The following LONRF1 variants were observed in gnomAD, a reference collection of about 807,000 sequenced individuals.
LONRF1 encodes the protein LON peptidase N-terminal domain and ring finger 1.
LONRF1 carries 37 observed loss-of-function variants against 85.8 expected under a neutral mutation model. The ratio of observed to expected loss-of-function variants is 0.43; its 90% CI spans 0.33 to 0.57. LONRF1 has a LOEUF of 0.57. Ranked by LOEUF, LONRF1 falls within the 20% of genes least tolerant of loss-of-function variation. The probability of loss-of-function intolerance (pLI) is 0.04; values close to 1 mark genes in which losing one functional copy is unlikely to be tolerated. For missense variants in LONRF1, 1,036 were observed against 978.0 expected, an observed-to-expected ratio of 1.06 and a Z score of -0.79; for synonymous variants, 517 against 390.1, an observed-to-expected ratio of 1.33 and a Z score of -3.83.
At chr8:12,741,605 A>C (rs1266501709) in intron 2 of LONRF1, among the ~76,000 whole-genome samples, 1 of 152,162 alleles carries the variant, frequency 6.6e-6, no homozygotes, top group East Asian at 1.9e-4. Flanking sequence ...AATATTATTG[A>C]TTTAATTTGA....
chr8:12,735,682 G>C, intron 6 of LONRF1: 1 of 292,996 alleles, frequency 3.4e-6, no homozygotes, highest in East Asian at 6.1e-5. Flanking sequence ...CTAATCACTT[G>C]AAATGTGGCT....
intron 1 of LONRF1, chr8:12,753,715 G>C (rs1368844589): frequency 6.6e-6 from 1 of 152,192 alleles, no homozygotes; most frequent in Non-Finnish European, 1.5e-5. Context: ...AGAGAAGCTT[G>C]AAACTGCCCC....
chr8:12,748,666 C>T (rs1799260453), intron 1 of LONRF1, among the ~76,000 whole-genome samples: 2 of 152,130 alleles, frequency 1.3e-5, no homozygotes, highest in Admixed American at 1.3e-4. Context: ...TAAGTTTGAC[C>T]TTTAAAACTT....
chr8:12,743,096 G>T, intron 2 of LONRF1, 68 bp downstream of exon 2: 1 of 979,504 alleles, frequency 1.0e-6, no homozygotes, highest in African/African-American at 1.6e-5. Flanking sequence ...ATTCCTAACT[G>T]TGAATGAATG....
Position 12,740,901 on chromosome 8 carries a change from A to T in LONRF1, c.936T>A (p.Phe312Leu). Residue 312 changes from phenylalanine (F) to leucine (L), a missense_variant, in exon 3 of 12, where the codon TTT becomes TTA. Phe to Leu is a conservative substitution (Grantham distance 22). Around this residue, in one of 3 missense-constraint regions of LONRF1, gnomAD observed 742 missense variants for 614.4 expected, o/e 1.21. Transcript: ENST00000398246. Reference protein sequence around the residue: ...FLQCLALDEDFAPAKLQVQKI... With the variant: ...FLQCLALDEDLAPAKLQVQKI... ...TTTGTACTTGCAGCTTTGCAGGTGC[A>T]AAATCTTCATCAAGGGCTAAGCACT... The T allele has an allele frequency of 6.2e-7, 1 of 1,613,434 alleles. No homozygotes were observed. Among genetic ancestry groups the T allele is most frequent in the Non-Finnish European group, 8.5e-7 (1 of 1,179,578 alleles).
chr8:12,743,217 C>G lies in LONRF1; in HGVS notation c.787G>C (p.Ala263Pro). 6.2e-7 allele frequency: 1 copy of G among 1,613,300 alleles called. No homozygotes were observed. Residue 263 changes from alanine to proline, a missense_variant, in exon 2 of 12, where the codon GCA becomes CCA. This residue lies in a region of LONRF1 where 742 missense variants were observed against 614.4 expected (regional missense o/e 1.21). Transcript: ENST00000398246. Reference sequence around the variant, plus strand: ...ACTGCATTTAAATCTTCTATGGCTGCTTTAAACTCTTGGAGACCAGCATAT... The same window carrying G: ...ACTGCATTTAAATCTTCTATGGCTGGTTTAAACTCTTGGAGACCAGCATAT... ...ESYAGLQEFKAAIEDLNAVLF... is the reference protein window; with the variant it reads ...ESYAGLQEFKPAIEDLNAVLF...
Position 12,725,773 on chromosome 8 carries a change from A to G in LONRF1, c.2117T>C (p.Ile706Thr). 1.2e-6 allele frequency: 2 copies of G among 1,613,758 alleles called. No homozygotes were observed. The highest frequency in any genetic ancestry group is 1.7e-6 in the Non-Finnish European group (2 of 1,179,690). The change falls in exon 11 of 12, where the codon ATT (isoleucine) becomes ACT (threonine). Residue 706 changes from isoleucine to threonine, a missense_variant. By Grantham distance (89) the Ile-to-Thr change is moderately conservative. Coordinates refer to ENST00000398246, the MANE Select transcript of LONRF1 (RefSeq NM_152271.5). ...GGGCATTGATCCGAAATGCTGAAGA[A>G]TTTGGCTTCGAAATCTGTCTCTTAA... ...QNLRDRFRSQILQHFGSMPER... is the reference protein window; with the variant it reads ...QNLRDRFRSQTLQHFGSMPER...
intron 10 of LONRF1, among the ~76,000 whole-genome samples, chr8:12,727,538 A>G (rs928428043): frequency 1.6e-4 from 24 of 152,084 alleles, no homozygotes; most frequent in African/African-American, 3.6e-4. Flanking sequence ...TATAAATATC[A>G]TATCTGTAAT....
intron 3 of LONRF1, 59 bp from the exon 4 acceptor site, chr8:12,738,203 T>G (rs1798796102): frequency 8.6e-7 from 1 of 1,160,788 alleles, no homozygotes; most frequent in Non-Finnish European, 1.2e-6. Flanking sequence ...AGGATAATTT[T>G]GTATAAATTT....
Position 12,754,765 on chromosome 8 carries a change from C to T in LONRF1, c.656G>A (p.Gly219Glu). 1 of 1,470,730 alleles carries T rather than the reference C, an allele frequency of 6.8e-7. No individual in the cohort carries two copies. The highest frequency in any genetic ancestry group is 8.9e-7 in the Non-Finnish European group (1 of 1,119,534). 91.1% of individuals were successfully genotyped at this position (1,470,730 alleles called of 1,614,324 possible). The change falls in exon 1 of 12, where the codon GGG (glycine) becomes GAG (glutamate). Residue 219 changes from glycine to glutamate, a missense_variant. Coordinates refer to ENST00000398246, the MANE Select transcript of LONRF1 (RefSeq NM_152271.5). ...RERARAAGRL[G>E]ELLHQGRYRE... ...GTAGCGCCCCTGGTGCAGTAGCTCC[C>T]CGAGCCTGCCGGCCGCCCGGGCCCG...
At chr8:12,734,798 T>C (rs1385653796) in intron 7 of LONRF1, among the ~76,000 whole-genome samples, 2 of 152,186 alleles carry the variant, frequency 1.3e-5, no homozygotes, top group Admixed American at 6.5e-5. Context: ...ACTAACCATA[T>C]TTAAAAGCTT....
At chr8:12,725,908 T>G (rs905314356) in intron 10 of LONRF1, 29 bp from the exon 11 acceptor site, 13 of 1,591,910 alleles carry the variant, frequency 8.2e-6, no homozygotes, top group African/African-American at 1.3e-5. Flanking sequence ...GTAAGACTTC[T>G]GTGTCTAATC....
At chr8:12,733,828 G>A (rs1218669235) in intron 7 of LONRF1, among the ~76,000 whole-genome samples, 2 of 152,122 alleles carry the variant, frequency 1.3e-5, no homozygotes. Flanking sequence ...AAACTGAACA[G>A]CATACCAATC....
rs1799586886 is a variant in LONRF1 at position 12,755,101 on chromosome 8, G to A, written c.320C>T (p.Ala107Val). Residue 107 changes from alanine to valine, a missense_variant, in exon 1 of 12, where the codon GCG (alanine) becomes GTG (valine). By Grantham distance (64) the Ala-to-Val change is moderately conservative (BLOSUM62 0). Coordinates refer to ENST00000398246, the MANE Select transcript of LONRF1 (RefSeq NM_152271.5). ...YRLRHGLGWS[A>V]APVAGADGGA... ...GCCGTCAGCGCCTGCAACCGGGGCC[G>A]CGCTCCAGCCCAGCCCGTGGCGGAG... 2.0e-6 allele frequency: 3 copies of A among 1,470,430 alleles called. No homozygotes were observed. The highest frequency in any genetic ancestry group is 2.7e-6 in the Non-Finnish European group (3 of 1,116,190). 91.1% of individuals were successfully genotyped at this position (1,470,430 alleles called of 1,614,324 possible).
In LONRF1 at chr8:12,736,951, G is replaced by T; in HGVS notation, c.1303C>A (p.Gln435Lys). 3 of 1,613,272 alleles carry T rather than the reference G, an allele frequency of 1.9e-6. No individual in the cohort carries two copies. Among genetic ancestry groups the T allele is most frequent in the Non-Finnish European group, 2.5e-6 (3 of 1,179,596 alleles). The change falls in exon 5 of 12, where the codon CAG (glutamine) becomes AAG (lysine). Residue 435 changes from glutamine (Q) to lysine (K), a missense_variant. By Grantham distance (53) the Gln-to-Lys change is moderately conservative. Coordinates refer to ENST00000398246, the MANE Select transcript of LONRF1 (RefSeq NM_152271.5). ...LLKRKLSLLEQDVIVNEDGRN... is the reference protein window; with the variant it reads ...LLKRKLSLLEKDVIVNEDGRN... ...CCATCTTCATTTACAATCACATCCT[G>T]TTCTAAAAGAGACAACTTTCTTTTC...
intron 1 of LONRF1, among the ~76,000 whole-genome samples, chr8:12,749,195 C>T (rs1332931445): frequency 6.6e-6 from 1 of 152,112 alleles, no homozygotes; most frequent in Non-Finnish European, 1.5e-5. Context: ...TAGATTAACC[C>T]TTGATACAAG....
In LONRF1 at chr8:12,755,452, C is replaced by T. The variant is rs1456412175; in HGVS notation, c.-32G>A. 1.9e-5 allele frequency: 21 copies of T among 1,095,252 alleles called. No homozygotes were observed. Among genetic ancestry groups the T allele is most frequent in the South Asian group, 4.3e-5 (1 of 23,076 alleles). 67.8% of individuals were successfully genotyped at this position (1,095,252 alleles called of 1,614,324 possible). The stretch of plus-strand genomic sequence containing the variant: ...CGGAGGGCTGCGCCGCCGCCGCCCG[C>T]CGCCACGGTCCCGGAGCCTCCCGGG... On this transcript the variant is annotated 5_prime_UTR_variant, in exon 1 of 12. Transcript: ENST00000398246.
Position 12,755,084 on chromosome 8 carries a change from C to T in LONRF1, c.337G>A (p.Ala113Thr). 1.4e-6 allele frequency: 2 copies of T among 1,471,292 alleles called. No individual in the cohort carries two copies. The highest frequency in any genetic ancestry group is 3.0e-5 in the East Asian group (1 of 33,610). The allele number at this position is 1,471,292 out of a possible 1,614,324, so 91.1% of individuals were successfully genotyped here. Residue 113 changes from alanine to threonine, a missense_variant, in exon 1 of 12, where the codon GCT (alanine) becomes ACT (threonine). Ala to Thr is a moderately conservative substitution (Grantham distance 58, BLOSUM62 0). This residue lies in a region of LONRF1 where 742 missense variants were observed against 614.4 expected (regional missense o/e 1.21). Transcript: ENST00000398246. ...AGGAGCCCGCCGGCGCCGCCGTCAG[C>T]GCCTGCAACCGGGGCCGCGCTCCAG... ...LGWSAAPVAGADGGAGGLLRC... is the reference protein window; with the variant it reads ...LGWSAAPVAGTDGGAGGLLRC...
chr8:12,754,889 G>A lies in LONRF1; in HGVS notation c.532C>T (p.Arg178Trp), dbSNP rs1184851913. The A allele has an allele frequency of 1.3e-6, 2 of 1,493,120 alleles. No individual in the cohort carries two copies. The highest frequency in any genetic ancestry group is 1.5e-5 in the African/African-American group (1 of 68,538). The allele number at this position is 1,493,120 out of a possible 1,614,324, so 92.5% of individuals were successfully genotyped here. A position where few individuals can be genotyped will look rare whatever the true frequency, so the allele number is the denominator to read the frequency against. Reference sequence around the variant, plus strand: ...ATGGCGGCGGCCAGAGGCGGCGGCCGCGGGGCGGTCCCTTCAGCATCAGTG... The same window carrying A: ...ATGGCGGCGGCCAGAGGCGGCGGCCACGGGGCGGTCCCTTCAGCATCAGTG... ...SATDAEGTAP[R>W]PPPLAAAIAA... The change falls in exon 1 of 12, where the codon CGG becomes TGG. Residue 178 changes from arginine (R) to tryptophan (W), a missense_variant. Around this residue, in one of 3 missense-constraint regions of LONRF1, gnomAD observed 742 missense variants for 614.4 expected, o/e 1.21. Coordinates refer to ENST00000398246, the MANE Select transcript of LONRF1 (RefSeq NM_152271.5).
Sources: allele counts gnomAD v4.1 joint callset (sites outside exome capture counted in the v4.1 genomes callset), GRCh38; gene constraint gnomAD v4.1.1; regional missense constraint gnomAD v4.1.1; transcripts MANE v1.5; gene names NCBI Gene and HGNC (gene_info 2026-07-23, HGNC 2026-07-21).